Variants in LRP1B observed in about 807,000 individuals in gnomAD.
The protein encoded by LRP1B is LDL receptor related protein 1B.
Under a neutral mutation model 556.6 loss-of-function variants are expected in LRP1B, and 217 were observed. The ratio of observed to expected loss-of-function variants is 0.39; its 90% CI spans 0.35 to 0.44. The LOEUF (loss-of-function observed/expected upper bound fraction) is 0.44. LRP1B is among the 20% of genes least tolerant of loss of function. The pLI is 1.00. For synonymous variants in LRP1B, 2,047 were observed against 1,865.8 expected, an observed-to-expected ratio of 1.10 and a Z score of -2.50; for missense variants, 5,053 against 5,620.8, an observed-to-expected ratio of 0.90 and a Z score of 3.23.
At chr2:142,079,344 T>C (rs1364959959) in intron 1 of LRP1B, among the ~76,000 whole-genome samples, 2 of 151,974 alleles carry the variant, frequency 1.3e-5, no homozygotes, top group Non-Finnish European at 2.9e-5. Flanking sequence ...AATATCTAAA[T>C]ACTTAAATAT....
intron 15 of LRP1B, among the ~76,000 whole-genome samples, chr2:140,996,665 G>T (rs186932486): frequency 5.3e-5 from 8 of 152,022 alleles, no homozygotes; most frequent in African/African-American, 1.9e-4. Flanking sequence ...TATTTGTGGG[G>T]GCTGTATAAA....
chr2:141,645,758 A>G (rs1689539420), intron 2 of LRP1B, among the ~76,000 whole-genome samples: 1 of 152,104 alleles, frequency 6.6e-6, no homozygotes, highest in Admixed American at 6.6e-5. Context: ...TTTCAAGGAC[A>G]CCACTCTCCA....
At chr2:140,522,412 G>A (rs2104956690) in intron 49 of LRP1B, among the ~76,000 whole-genome samples, 1 of 151,970 alleles carries the variant, frequency 6.6e-6, no homozygotes, top group East Asian at 1.9e-4. Flanking sequence ...AAATCTCTGA[G>A]ATGTGGCAAA....
intron 7 of LRP1B, among the ~76,000 whole-genome samples, chr2:141,069,224 T>A (rs576550007): frequency 2.0e-5 from 3 of 152,160 alleles, no homozygotes; most frequent in Non-Finnish European, 2.9e-5. Flanking sequence ...GCAAATTCGC[T>A]TTTTAGGCCT....
intron 1 of LRP1B, among the ~76,000 whole-genome samples, chr2:142,084,812 CTGCT>C (rs1236506841): frequency 6.6e-6 from 1 of 152,150 alleles, no homozygotes; most frequent in Non-Finnish European, 1.5e-5. Context: ...CTATCTCTTC[CTGCT>C]TAAGATGACC....
intron 7 of LRP1B, among the ~76,000 whole-genome samples, chr2:141,169,288 A>C (rs1225185035): frequency 1.9e-4 from 5 of 26,622 alleles, no homozygotes; most frequent in African/African-American, 5.6e-4. Flanking sequence ...TCTGTCTCAA[A>C]AATAAATAAA....
At position 141,821,223 on chromosome 2, in the gene LRP1B, C is replaced by T. The variant is rs145799137; in HGVS notation, c.83-10822G>A. Among the ~76,000 whole-genome samples, 57 of 152,278 alleles carry T rather than the reference C, an allele frequency of 3.7e-4. No individual in the cohort carries two copies. In the East Asian group the frequency reaches 9.3e-3, roughly 25 times the overall value. On this transcript the variant is annotated intron_variant, in intron 1 of 90. Coordinates refer to ENST00000389484, the MANE Select transcript of LRP1B (RefSeq NM_018557.3). ...TGTAAGACAGAAATTTGTATTGCTT[C>T]GATTCCCTCAATTTGTGGTAATTTG...
Position 140,356,385 on chromosome 2 carries a change from A to G in LRP1B, c.11487T>C (p.Cys3829=), listed in dbSNP as rs1166293268. 1.2e-6 allele frequency: 2 copies of G among 1,611,148 alleles called. No homozygotes were observed. The highest frequency in any genetic ancestry group is 2.2e-5 in the South Asian group (2 of 90,990). The stretch of plus-strand genomic sequence containing the variant: ...TCATGTTTCTCTGAAATCCAGGCTT[A>G]CAGCGACAGAAAACAGATGTTTTTA... The part of the protein sequence containing the change: ...NQIKTSVFCR[C]KPGFQRNMKN... The change falls in exon 75 of 91, where the codon TGT becomes TGC. Residue 3829 remains cysteine (C), a synonymous_variant. Coordinates refer to ENST00000389484, the MANE Select transcript of LRP1B (RefSeq NM_018557.3).
chr2:141,809,646 T>C (rs1178735029), intron 2 of LRP1B, among the ~76,000 whole-genome samples: 2 of 152,064 alleles, frequency 1.3e-5, no homozygotes, highest in Non-Finnish European at 2.9e-5. Flanking sequence ...CAAGTTATAG[T>C]AGTACAACTA....
At chr2:141,673,827 G>T (rs1453690583) in intron 2 of LRP1B, among the ~76,000 whole-genome samples, 2 of 151,918 alleles carry the variant, frequency 1.3e-5, no homozygotes, top group African/African-American at 4.8e-5. Context: ...CCACTGCAAT[G>T]ATTTTTTTTA....
intron 55 of LRP1B, among the ~76,000 whole-genome samples, chr2:140,496,219 A>T (rs932789599): frequency 1.3e-5 from 2 of 152,112 alleles, no homozygotes; most frequent in African/African-American, 4.8e-5. Flanking sequence ...GTTGGTACAA[A>T]AGTAATTGTG....
Position 141,550,097 on chromosome 2 carries a change from T to C in LRP1B, c.206-69564A>G, listed in dbSNP as rs567264244. Among the ~76,000 whole-genome samples the C allele has an allele frequency of 5.3e-5, 8 of 152,340 alleles. No homozygotes were observed. In the East Asian group the frequency reaches 1.5e-3, roughly 29 times the overall value. ...ATTTTGTCATTGACTACATGCATTT[T>C]ATGTTTGGCTTCAATTGAAACTTCT... On this transcript the variant is annotated intron_variant, in intron 2 of 90. Coordinates refer to ENST00000389484, the MANE Select transcript of LRP1B (RefSeq NM_018557.3).
chr2:140,973,148 T>C (rs1390124362), intron 18 of LRP1B, among the ~76,000 whole-genome samples: 1 of 150,296 alleles, frequency 6.7e-6, no homozygotes, highest in Non-Finnish European at 1.5e-5. Flanking sequence ...TAAATGAAAA[T>C]ATCATACACT....
intron 41 of LRP1B, among the ~76,000 whole-genome samples, chr2:140,642,536 A>G (rs1684334022): frequency 6.6e-6 from 1 of 152,090 alleles, no homozygotes; most frequent in Admixed American, 6.6e-5. Flanking sequence ...ACCCCAGTAC[A>G]CCTCACATAG....
At chr2:141,517,995 G>A (rs1395605754) in intron 2 of LRP1B, among the ~76,000 whole-genome samples, 2 of 152,062 alleles carry the variant, frequency 1.3e-5, no homozygotes, top group Admixed American at 6.6e-5. Context: ...CTAGAAATGA[G>A]GAGATAAGCT....
chr2:141,431,723 G>A (rs553714281), intron 3 of LRP1B, among the ~76,000 whole-genome samples: 7 of 152,134 alleles, frequency 4.6e-5, no homozygotes, highest in Admixed American at 1.3e-4. Context: ...GAAAATATCT[G>A]ATTTTTAAAA....
chr2:142,074,340 T>C (rs892474139), intron 1 of LRP1B, among the ~76,000 whole-genome samples: 1 of 152,062 alleles, frequency 6.6e-6, no homozygotes, highest in Non-Finnish European at 1.5e-5. Flanking sequence ...ATCCTCTGCC[T>C]CTTCTGGCTT....
At chr2:141,534,064 A>G (rs1231790457) in intron 2 of LRP1B, among the ~76,000 whole-genome samples, 3 of 152,124 alleles carry the variant, frequency 2.0e-5, no homozygotes, top group Non-Finnish European at 4.4e-5. Context: ...TGTGAGAGAG[A>G]GAGAGGGGAG....
chr2:140,452,170 G>C (rs866946865), intron 62 of LRP1B, among the ~76,000 whole-genome samples: 83 of 152,220 alleles, frequency 5.5e-4, no homozygotes, highest in African/African-American at 1.9e-3. Context: ...AAATGTAGCT[G>C]CTGAGACAGA....
Sources: allele counts gnomAD v4.1 joint callset (sites outside exome capture counted in the v4.1 genomes callset), GRCh38; gene constraint gnomAD v4.1.1; transcripts MANE v1.5; gene names NCBI Gene and HGNC (gene_info 2026-07-23, HGNC 2026-07-21).